The following LARP4 variants were observed in gnomAD, a reference collection of about 807,000 sequenced individuals.
LARP4 encodes the protein la-related protein 4.
LARP4 carries 29 observed loss-of-function variants against 92.9 expected under a neutral mutation model. The observed-to-expected ratio is 0.31, with a 90% CI of 0.23 to 0.43. LARP4 has a LOEUF of 0.43. Ranked by LOEUF, LARP4 falls within the 20% of genes least tolerant of loss-of-function variation. The probability of loss-of-function intolerance (pLI) is 1.00; values close to 1 mark genes in which losing one functional copy is unlikely to be tolerated. For missense variants in LARP4, 732 were observed against 860.0 expected, an observed-to-expected ratio of 0.85 and a Z score of 1.86; for synonymous variants, 279 against 284.1, an observed-to-expected ratio of 0.98 and a Z score of 0.18.
intron 8 of LARP4, among the ~76,000 whole-genome samples, chr12:50,450,538 A>T (rs978189356): frequency 6.6e-6 from 1 of 151,980 alleles, no homozygotes; most frequent in African/African-American, 2.4e-5. Flanking sequence ...CTTCTGCCTC[A>T]TGTCTGTTTC....
At chr12:50,437,900 T>A (rs1162927345) in intron 6 of LARP4, 62 bp downstream of exon 6, 1 of 1,115,326 alleles carries the variant, frequency 9.0e-7, no homozygotes, top group Admixed American at 2.2e-5. Flanking sequence ...AGGTTTCTTC[T>A]GCCTTTCGTG....
chr12:50,456,654 ATCTT>A (rs779488574), intron 10 of LARP4, among the ~76,000 whole-genome samples: 13 of 152,190 alleles, frequency 8.5e-5, no homozygotes, highest in Admixed American at 2.6e-4. Context: ...CTTTCATACT[ATCTT>A]TCTTTCACTT....
At chr12:50,450,182 A>G (rs1246194540) in intron 8 of LARP4, among the ~76,000 whole-genome samples, 15 of 152,012 alleles carry the variant, frequency 9.9e-5, no homozygotes, top group Admixed American at 9.8e-4. Context: ...CGCCCGCCTC[A>G]GCCTCCCAAA....
Position 50,461,493 on chromosome 12 carries a change from G to C in LARP4, c.1334+146G>C, listed in dbSNP as rs1386899551. 9.1e-6 allele frequency: 8 copies of C among 881,654 alleles called. No homozygotes were observed. The South Asian group carries it at 1.2e-4, about 13-fold the overall frequency. 54.6% of individuals were successfully genotyped at this position (881,654 alleles called of 1,614,324 possible). A position where few individuals can be genotyped will look rare whatever the true frequency, so the allele number is the denominator to read the frequency against. On this transcript the variant is annotated intron_variant, in intron 11 of 15. Transcript: ENST00000398473. ...TAAATACGTTATTTTCAGAACATGA[G>C]TTGGTTGCTTTTTATAATTATTAAG... is the stretch of plus-strand genomic sequence containing the variant.
chr12:50,462,389 A>C (rs1272770117), intron 11 of LARP4, among the ~76,000 whole-genome samples, 193 bp from the exon 12 acceptor site: 1 of 151,724 alleles, frequency 6.6e-6, no homozygotes, highest in African/African-American at 2.4e-5. Flanking sequence ...CTGAGGCAGG[A>C]GAATTGCTTG....
chr12:50,442,578 CCT>C (rs1174840276), intron 8 of LARP4, among the ~76,000 whole-genome samples: 1 of 152,196 alleles, frequency 6.6e-6, no homozygotes, highest in Non-Finnish European at 1.5e-5. Context: ...ATCCTCATTC[CCT>C]GTGTGCTATA....
At chr12:50,460,611 A>T (rs1955199888) in intron 10 of LARP4, among the ~76,000 whole-genome samples, 1 of 152,032 alleles carries the variant, frequency 6.6e-6, no homozygotes, top group Non-Finnish European at 1.5e-5. Flanking sequence ...GGCGTGAGCC[A>T]CTGTGTCCAG....
intron 1 of LARP4, among the ~76,000 whole-genome samples, chr12:50,426,575 A>G (rs1009049325): frequency 2.0e-5 from 3 of 151,984 alleles, no homozygotes; most frequent in African/African-American, 7.2e-5. Context: ...TAGAAATTCT[A>G]AAGCGTGTAA....
rs1209208176 is a variant in LARP4, at chr12:50,479,472, T to C, written c.*3608T>C. The C allele has an allele frequency of 6.6e-6, 1 of 152,326 alleles. No individual in the cohort carries two copies. The highest frequency in any genetic ancestry group is 6.5e-5 in the Admixed American group (1 of 15,290). 9.4% of individuals were successfully genotyped at this position (152,326 alleles called of 1,614,324 possible). On this transcript the variant is annotated 3_prime_UTR_variant, in exon 16 of 16. Coordinates refer to ENST00000398473, the MANE Select transcript of LARP4 (RefSeq NM_052879.5). ...ATGCTAGTCTGAGCTTCCGAAAAGATACATATATGTTTCCCTTTTCATTAG... is the reference window on the plus strand; with the variant it reads ...ATGCTAGTCTGAGCTTCCGAAAAGACACATATATGTTTCCCTTTTCATTAG...
chr12:50,456,824 T>C (rs191986385), intron 10 of LARP4, among the ~76,000 whole-genome samples: 4 of 152,174 alleles, frequency 2.6e-5, no homozygotes, highest in Non-Finnish European at 4.4e-5. Context: ...CATATTGAAA[T>C]GTAGTGTGAA....
chr12:50,402,662 A>C, intron 1 of LARP4: 1 of 387,144 alleles, frequency 2.6e-6, no homozygotes, highest in South Asian at 1.9e-5. Context: ...GCGATACTTA[A>C]TATGTTTTAC....
chr12:50,471,530 C>G (rs997865585), intron 13 of LARP4, among the ~76,000 whole-genome samples: 1 of 152,050 alleles, frequency 6.6e-6, no homozygotes, highest in African/African-American at 2.4e-5. Flanking sequence ...TAAAGTCTTT[C>G]GAGTGTTTTT....
chr12:50,416,722 C>T (rs536287110), intron 1 of LARP4, among the ~76,000 whole-genome samples: 13 of 152,150 alleles, frequency 8.5e-5, no homozygotes, highest in East Asian at 3.9e-4. Context: ...TGGTGGTGCA[C>T]GCCTGTAATC....
intron 1 of LARP4, among the ~76,000 whole-genome samples, chr12:50,407,884 C>G (rs1047645718): frequency 6.6e-6 from 1 of 152,058 alleles, no homozygotes; most frequent in Non-Finnish European, 1.5e-5. Flanking sequence ...TGCACTTACT[C>G]TTTTGAAAAA....
At chr12:50,425,138 C>T (rs899566176) in intron 1 of LARP4, among the ~76,000 whole-genome samples, 41 of 151,988 alleles carry the variant, frequency 2.7e-4, no homozygotes, top group African/African-American at 9.7e-4. Flanking sequence ...CAGAGCGAGA[C>T]TCCGTCTCAA....
At chr12:50,441,708 A>T in intron 8 of LARP4, 65 bp downstream of exon 8, 3 of 1,185,200 alleles carry the variant, frequency 2.5e-6, no homozygotes, top group Non-Finnish European at 2.4e-6. Context: ...AATTTAAAAA[A>T]TACAGACAGA....
chr12:50,473,319 A>G (rs1565765567), intron 13 of LARP4, 96 bp from the exon 14 acceptor site: 5 of 830,324 alleles, frequency 6.0e-6, no homozygotes, highest in Non-Finnish European at 9.7e-6. Flanking sequence ...TATGATGACT[A>G]ATGATGTTGA....
chr12:50,418,396 T>G (rs1435640407), intron 1 of LARP4, among the ~76,000 whole-genome samples: 1 of 152,202 alleles, frequency 6.6e-6, no homozygotes, highest in African/African-American at 2.4e-5. Flanking sequence ...ATTGTCTCAA[T>G]TTTTGGAATT....
intron 10 of LARP4, among the ~76,000 whole-genome samples, chr12:50,455,155 T>C (rs1953980758): frequency 6.6e-6 from 1 of 152,182 alleles, no homozygotes; most frequent in South Asian, 2.1e-4. Flanking sequence ...TTGAGATGTA[T>C]GTCTGAGGTA....
Sources: allele counts gnomAD v4.1 joint callset (sites outside exome capture counted in the v4.1 genomes callset), GRCh38; gene constraint gnomAD v4.1.1; transcripts MANE v1.5; gene names NCBI Gene and HGNC (gene_info 2026-07-23, HGNC 2026-07-21).